ZNF829: variants seen among roughly 807,000 people sequenced by gnomAD.
ZNF829 encodes the protein zinc finger protein 829.
Under a neutral mutation model 35.2 loss-of-function variants are expected in ZNF829, and 25 were observed. The observed-to-expected ratio is 0.71, with a 90% CI of 0.52 to 0.99. ZNF829 has a LOEUF of 0.99. Among genes scored for constraint, ZNF829 ranks in the 50% least tolerant of loss-of-function variants. ZNF829 has a pLI of 0.00. For missense variants in ZNF829, 417 were observed against 515.3 expected (o/e 0.81, Z 1.85); for synonymous variants, 136 against 163.2 (o/e 0.83, Z 1.27).
chr19:36,897,961 G>A (rs371987611), intron 5 of ZNF829, among the ~76,000 whole-genome samples: 4 of 152,322 alleles, frequency 2.6e-5, no homozygotes, highest in Admixed American at 6.5e-5. Flanking sequence ...TTGAGGTCAC[G>A]AGTTTGAGAC....
chr19:36,895,370 T>C (rs1423839558), intron 5 of ZNF829, among the ~76,000 whole-genome samples: 1 of 151,948 alleles, frequency 6.6e-6, no homozygotes, highest in Non-Finnish European at 1.5e-5. Context: ...AGAAGCTCAC[T>C]GGTAGAGCAG....
At chr19:36,900,122 A>G (rs1025692988) in intron 5 of ZNF829, among the ~76,000 whole-genome samples, 1 of 149,896 alleles carries the variant, frequency 6.7e-6, no homozygotes, top group Non-Finnish European at 1.5e-5. Context: ...CCTGGCCAAC[A>G]TGGTAAAACT....
At chr19:36,909,355 G>A (rs1160003241) in intron 3 of ZNF829, among the ~76,000 whole-genome samples, 3 of 152,148 alleles carry the variant, frequency 2.0e-5, no homozygotes, top group South Asian at 2.1e-4. Context: ...ACATAAAACC[G>A]GGCAAAAGAA....
intron 5 of ZNF829, 193 bp downstream of exon 5, chr19:36,907,736 T>C (rs1214093438): frequency 4.1e-6 from 2 of 483,954 alleles, no homozygotes; most frequent in Non-Finnish European, 7.3e-6. Context: ...AAAATGTGAC[T>C]AGAATAATTA....
rs1329834749 is a variant in ZNF829 at position 36,915,970 on chromosome 19, GCA to G, written c.-85+39_-85+40del. The G allele has an allele frequency of 2.5e-5, 38 of 1,525,312 alleles. No homozygotes were observed. In the African/African-American group the frequency reaches 2.9e-4, roughly 12 times the overall value. 94.5% of individuals were successfully genotyped at this position (1,525,312 alleles called of 1,614,324 possible). A position where few individuals can be genotyped will look rare whatever the true frequency, so the allele number is the denominator to read the frequency against. On this transcript the variant is annotated intron_variant, in intron 1 of 5. Coordinates refer to ENST00000391711, the MANE Select transcript of ZNF829 (RefSeq NM_001037232.4). The stretch of plus-strand genomic sequence containing the variant: ...TTCCAGTCATCCCGGATGGGAACTT[GCA>G]GACCTGAGCCAGTTCTCCTGGGGAC...
chr19:36,895,199 C>T (rs1384993979), intron 5 of ZNF829, among the ~76,000 whole-genome samples: 2 of 152,066 alleles, frequency 1.3e-5, no homozygotes, highest in Non-Finnish European at 2.9e-5. Context: ...CACTGTCAGC[C>T]AAGAATACTG....
At chr19:36,896,280 C>T (rs1292882533) in intron 5 of ZNF829, among the ~76,000 whole-genome samples, 1 of 148,220 alleles carries the variant, frequency 6.7e-6, no homozygotes, top group Non-Finnish European at 1.5e-5. Context: ...CACTGCACTC[C>T]AGCTTGGGTG....
At chr19:36,908,059 C>T in intron 4 of ZNF829, 35 bp from the exon 5 acceptor site, 2 of 1,577,770 alleles carry the variant, frequency 1.3e-6, no homozygotes, top group Non-Finnish European at 1.7e-6. Flanking sequence ...CATGGTTATG[C>T]TGTGGGGTCC....
intron 1 of ZNF829, chr19:36,915,646 G>A (rs1600748733): frequency 1.7e-6 from 1 of 588,818 alleles, no homozygotes; most frequent in African/African-American, 1.9e-5. Context: ...TCGCCAGGCT[G>A]GAGTGCAGTG....
At position 36,892,199 on chromosome 19, in the gene ZNF829, G is replaced by C; in HGVS notation, c.592C>G (p.Leu198Val). Residue 198 changes from leucine to valine, a missense_variant, in exon 6 of 6, where the codon CTC becomes GTC. Leu to Val is a conservative substitution (Grantham distance 32). Coordinates refer to ENST00000391711, the MANE Select transcript of ZNF829 (RefSeq NM_001037232.4). ...EYGKSFSRGSLVTRHQRIHTG... is the reference protein window; with the variant it reads ...EYGKSFSRGSVVTRHQRIHTG... ...TGAATCCTCTGATGTCGAGTAACGAGTGAGCCACGACTAAAGGACTTCCCA... is the reference window on the plus strand; with the variant it reads ...TGAATCCTCTGATGTCGAGTAACGACTGAGCCACGACTAAAGGACTTCCCA... 6.2e-7 allele frequency: 1 copy of C among 1,614,124 alleles called. No homozygotes were observed. The highest frequency in any genetic ancestry group is 8.5e-7 in the Non-Finnish European group (1 of 1,180,026).
chr19:36,905,442 T>C (rs941942723), intron 5 of ZNF829: 10 of 152,160 alleles, frequency 6.6e-5, no homozygotes, highest in Admixed American at 4.6e-4. Flanking sequence ...AATTTTTTTT[T>C]TTTTTCTTTT....
intron 5 of ZNF829, among the ~76,000 whole-genome samples, chr19:36,903,002 C>T (rs1006927018): frequency 6.6e-6 from 1 of 152,140 alleles, no homozygotes; most frequent in Non-Finnish European, 1.5e-5. Flanking sequence ...CGCCATTGCA[C>T]TCCAGCCTGG....
chr19:36,891,469 A>G lies in ZNF829; in HGVS notation c.*23T>C, dbSNP rs2146222510. The G allele has an allele frequency of 1.3e-6, 2 of 1,516,162 alleles. No homozygotes were observed. 93.9% of individuals were successfully genotyped at this position (1,516,162 alleles called of 1,614,324 possible). On this transcript the variant is annotated 3_prime_UTR_variant, in exon 6 of 6. Transcript: ENST00000391711. Reference sequence around the variant, plus strand: ...AAAAAAATTATTATAAAGGTTAACAAAATGGTCTTACTTTACTGTCATTCA... The same window carrying G: ...AAAAAAATTATTATAAAGGTTAACAGAATGGTCTTACTTTACTGTCATTCA...
intron 5 of ZNF829, among the ~76,000 whole-genome samples, chr19:36,897,785 A>C (rs1252571365): frequency 1.3e-5 from 2 of 152,234 alleles, no homozygotes; most frequent in African/African-American, 2.4e-5. Context: ...ATGATCTTAC[A>C]TATATTTAAA....
chr19:36,902,442 C>G (rs1343509863), intron 5 of ZNF829, among the ~76,000 whole-genome samples: 3 of 151,434 alleles, frequency 2.0e-5, no homozygotes, highest in Non-Finnish European at 4.4e-5. Context: ...CGAGACCAGC[C>G]TGGGTAACAT....
At chr19:36,902,158 CA>C (rs375739401) in intron 5 of ZNF829, 685 of 165,858 alleles carry the variant, frequency 4.1e-3, no homozygotes, top group South Asian at 0.013. Context: ...TATAAAATTG[CA>C]AAAAAAAAAG....
intron 5 of ZNF829, among the ~76,000 whole-genome samples, chr19:36,897,897 G>A (rs530572975): frequency 2.0e-4 from 31 of 152,322 alleles, no homozygotes; most frequent in African/African-American, 3.1e-4. Flanking sequence ...CGCTGGGCAC[G>A]GTGGCTCACG....
In ZNF829 at chr19:36,892,434, T is replaced by C. The variant is rs555184849; in HGVS notation, c.357A>G (p.Leu119=). 6.2e-7 allele frequency: 1 copy of C among 1,601,708 alleles called. No individual in the cohort carries two copies. The highest frequency in any genetic ancestry group is 1.3e-5 in the African/African-American group (1 of 74,580). The change falls in exon 6 of 6, where the codon CTA becomes CTG. Residue 119 remains leucine (L), a synonymous_variant. Transcript: ENST00000391711. ...TTACTTGACTGAAATGTCTCTTCTT[T>C]AGAGATAATATTTTGGTCTCACACA... ...ESMCETKILS[L]KKRHFSQVII...
At chr19:36,897,869 A>G (rs1365540332) in intron 5 of ZNF829, among the ~76,000 whole-genome samples, 1 of 152,210 alleles carries the variant, frequency 6.6e-6, no homozygotes, top group East Asian at 1.9e-4. Flanking sequence ...CAAAATCAAT[A>G]TACAAAAATA....
Sources: allele counts gnomAD v4.1 joint callset (sites outside exome capture counted in the v4.1 genomes callset), GRCh38; gene constraint gnomAD v4.1.1; transcripts MANE v1.5; gene names NCBI Gene and HGNC (gene_info 2026-07-23, HGNC 2026-07-21).